FASN: variants seen among roughly 807,000 people sequenced by gnomAD.
FASN encodes fatty acid synthase.
FASN carries 50 observed loss-of-function variants against 250.0 expected under a neutral mutation model. That is an observed-to-expected ratio of 0.20 (90% CI 0.16 to 0.25). The LOEUF (loss-of-function observed/expected upper bound fraction) is 0.25. Among genes scored for constraint, FASN ranks in the 10% least tolerant of loss-of-function variants. The pLI is 1.00. For synonymous variants in FASN, 1,909 were observed against 1,584.0 expected, an observed-to-expected ratio of 1.21 and a Z score of -4.87; for missense variants, 3,031 against 3,498.5, an observed-to-expected ratio of 0.87 and a Z score of 3.37.
rs377397895 is a variant in FASN, at chr17:82,089,232, C to A, written c.2100+18G>T. ...GTCCCCTGGCCCGCCCCGCACCCCC[C>A]AGGCCGTATTAGTCCACCTTCTTGA... On this transcript the variant is annotated intron_variant, in intron 13 of 42. Coordinates refer to ENST00000306749, the MANE Select transcript of FASN (RefSeq NM_004104.5). The A allele has an allele frequency of 8.7e-6, 14 of 1,611,798 alleles. No homozygotes were observed. The highest frequency in any genetic ancestry group is 1.2e-5 in the Non-Finnish European group (14 of 1,179,594).
Position 82,093,655 on chromosome 17 carries a change from C to T in FASN, c.397G>A (p.Val133Met). The change falls in exon 4 of 43, where the codon GTG becomes ATG. Residue 133 changes from valine to methionine, a missense_variant. Coordinates refer to ENST00000306749, the MANE Select transcript of FASN (RefSeq NM_004104.5). ...GCCATCATCGCTCGCTGGCAGCCCACCATGCTGTAGCCCACGAGTGTCTCG... is the reference window on the plus strand; with the variant it reads ...GCCATCATCGCTCGCTGGCAGCCCATCATGCTGTAGCCCACGAGTGTCTCG... Reference protein sequence around the residue: ...DPETLVGYSMVGCQRAMMANR... With the variant: ...DPETLVGYSMMGCQRAMMANR... The T allele has an allele frequency of 1.2e-6, 2 of 1,612,790 alleles. No individual in the cohort carries two copies. Among genetic ancestry groups the T allele is most frequent in the Non-Finnish European group, 1.7e-6 (2 of 1,179,992 alleles).
Position 82,092,685 on chromosome 17 carries a change from G to A in FASN, c.894+12C>T, listed in dbSNP as rs17848924. The A allele has an allele frequency of 5.4e-6, 7 of 1,287,882 alleles. No homozygotes were observed. Among genetic ancestry groups the A allele is most frequent in the South Asian group, 1.2e-5 (1 of 81,306 alleles). The allele number at this position is 1,287,882 out of a possible 1,614,324, so 79.8% of individuals were successfully genotyped here. A position where few individuals can be genotyped will look rare whatever the true frequency, so the allele number is the denominator to read the frequency against. On this transcript the variant is annotated intron_variant, in intron 7 of 42. Transcript: ENST00000306749. ...ATGGGGTGGTGAGTGGGGCGGGGGG[G>A]GGGGGCATCACCTTGGTGCCTGTGC...
intron 2 of FASN, 68 bp downstream of exon 2, chr17:82,096,251 C>G: frequency 6.2e-7 from 1 of 1,601,966 alleles, no homozygotes; most frequent in South Asian, 1.1e-5. Flanking sequence ...AGCAGGGAGG[C>G]TGCTGTGAGG....
chr17:82,095,530 T>C (rs1411950526), intron 2 of FASN, 58 bp from the exon 3 acceptor site: 2 of 1,596,028 alleles, frequency 1.3e-6, no homozygotes, highest in Non-Finnish European at 1.7e-6. Context: ...GTGGGGGCCC[T>C]GTGGGGTGCT....
rs553260482 is a variant in FASN, at chr17:82,084,656, G to A, written c.4625C>T (p.Ser1542Phe). Residue 1542 changes from serine (S) to phenylalanine (F), a missense_variant, in exon 27 of 43, where the codon TCC (serine) becomes TTC (phenylalanine). Coordinates refer to ENST00000306749, the MANE Select transcript of FASN (RefSeq NM_004104.5). ...CGAGGAGCAGACCCAGCGGATGGAG[G>A]ACAGGTCCCCCCGGGTGAGGGTGCT... ...FVSTLTRGDLSSIRWVCSSLR... is the reference protein window; with the variant it reads ...FVSTLTRGDLFSIRWVCSSLR... The A allele has an allele frequency of 1.3e-6, 2 of 1,594,544 alleles. No individual in the cohort carries two copies. Among genetic ancestry groups the A allele is most frequent in the Non-Finnish European group, 1.7e-6 (2 of 1,171,412 alleles).
chr17:82,089,680 C>T lies in FASN; in HGVS notation c.1917G>A (p.Val639=), dbSNP rs551118193. Reference sequence around the variant, plus strand: ...TGTCCTTGGAGTTGTGGCAGGCGGGCACCACGCCCGGGGGGCAGCGCTGTT... The same window carrying T: ...TGTCCTTGGAGTTGTGGCAGGCGGGTACCACGCCCGGGGGGCAGCGCTGTT... ...ECKQRCPPGV[V]PACHNSKDTV... is the part of the protein sequence containing the mutation. Residue 639 remains valine (V), a synonymous_variant, in exon 12 of 43, where the codon GTG becomes GTA. Transcript: ENST00000306749. The T allele has an allele frequency of 1.3e-6, 2 of 1,581,454 alleles. No individual in the cohort carries two copies. Among genetic ancestry groups the T allele is most frequent in the Non-Finnish European group, 1.7e-6 (2 of 1,166,772 alleles).
At chr17:82,094,375 G>A (rs1166915605) in intron 3 of FASN, among the ~76,000 whole-genome samples, 1 of 151,920 alleles carries the variant, frequency 6.6e-6, no homozygotes, top group Admixed American at 6.6e-5. Context: ...CCTCGCCCCT[G>A]GTGGGCTGGC....
At chr17:82,096,572 G>C (rs1226194006) in intron 1 of FASN, 120 bp from the exon 2 acceptor site, 24 of 1,473,002 alleles carry the variant, frequency 1.6e-5, no homozygotes, top group Non-Finnish European at 2.2e-5. Context: ...GGGTCCGTGC[G>C]GGCCCTGGCT....
At chr17:82,090,655 C>A in intron 10 of FASN, 91 bp from the exon 11 acceptor site, 1 of 1,249,432 alleles carries the variant, frequency 8.0e-7, no homozygotes, top group Non-Finnish European at 1.1e-6. Context: ...TCTCCACCCC[C>A]GCGCCCCATC....
chr17:82,087,191 C>T lies in FASN; in HGVS notation c.3286G>A (p.Gly1096Arg), dbSNP rs62642478. The T allele has an allele frequency of 1.9e-5, 31 of 1,607,608 alleles. No individual in the cohort carries two copies. Among genetic ancestry groups the T allele is most frequent in the Middle Eastern group, 1.7e-4 (1 of 5,954 alleles). ...VTVAGGVHIS[G>R]LHTESAPRRQ... Reference sequence around the variant, plus strand: ...CGCGGGGCCGACTCAGTGTGGAGCCCGGAGATGTGGACGCCTCCGGCCACT... The same window carrying T: ...CGCGGGGCCGACTCAGTGTGGAGCCTGGAGATGTGGACGCCTCCGGCCACT... Residue 1096 changes from glycine to arginine, a missense_variant, in exon 21 of 43, where the codon GGG becomes AGG. By Grantham distance (125) the Gly-to-Arg change is moderately radical (BLOSUM62 -2). Coordinates refer to ENST00000306749, the MANE Select transcript of FASN (RefSeq NM_004104.5).
intron 41 of FASN, 163 bp from the exon 42 acceptor site, chr17:82,079,771 G>C: frequency 1.0e-6 from 1 of 993,380 alleles, no homozygotes; most frequent in Non-Finnish European, 1.4e-6. Flanking sequence ...CCACCTACCC[G>C]GTTCAAGCGA....
In FASN at chr17:82,083,842, G is replaced by A. The variant is rs1299978737; in HGVS notation, c.5148C>T (p.Asp1716=). The A allele has an allele frequency of 3.1e-6, 5 of 1,599,054 alleles. No homozygotes were observed. The highest frequency in any genetic ancestry group is 4.3e-6 in the Non-Finnish European group (5 of 1,173,944). The stretch of plus-strand genomic sequence containing the variant: ...CCCGGGAGTTGGCGAAGCTGGTGCT[G>A]TCGAGCTGGGGGAACCTGGCCTGGA... ...AYLQARFPQL[D]STSFANSRDT... The change falls in exon 30 of 43, where the codon GAC becomes GAT. Residue 1716 remains aspartate (D), a synonymous_variant. Transcript: ENST00000306749.
intron 1 of FASN, 78 bp from the exon 2 acceptor site, chr17:82,096,530 G>A (rs1270845969): frequency 6.3e-7 from 1 of 1,593,972 alleles, no homozygotes; most frequent in Non-Finnish European, 8.5e-7. Flanking sequence ...CCCAGAACAG[G>A]TGGACACCCA....
chr17:82,087,317 G>A lies in FASN; in HGVS notation c.3223+8C>T, dbSNP rs774538970. 63 of 1,608,852 alleles carry A rather than the reference G, an allele frequency of 3.9e-5. No homozygotes were observed. Among genetic ancestry groups the A allele is most frequent in the East Asian group, 1.8e-4 (8 of 44,830 alleles). On this transcript the variant is annotated splice_region_variant and intron_variant, in intron 20 of 42. Coordinates refer to ENST00000306749, the MANE Select transcript of FASN (RefSeq NM_004104.5). ...GGGGGCACTGGGCTGGGGCTGGGGC[G>A]GGGCTACCTTGGGCCTTGTCCTGCA...
chr17:82,081,439 G>T, intron 37 of FASN, 87 bp from the exon 38 acceptor site: 1 of 1,567,072 alleles, frequency 6.4e-7, no homozygotes, highest in South Asian at 1.1e-5. Flanking sequence ...GGGTGCGTGG[G>T]CTGTGCATCT....
Position 82,087,718 on chromosome 17 carries a change from G to A in FASN, c.3010C>T (p.His1004Tyr), listed in dbSNP as rs1598578935. Residue 1004 changes from histidine to tyrosine, a missense_variant, in exon 19 of 43, where the codon CAT (histidine) becomes TAT (tyrosine). His to Tyr is a moderately conservative substitution (Grantham distance 83). Coordinates refer to ENST00000306749, the MANE Select transcript of FASN (RefSeq NM_004104.5). Reference sequence around the variant, plus strand: ...CTGGCCTCCAGGATGCCCTGGAAATGAGGGCCGTAGTCGTAGCCACGCAGA... The same window carrying A: ...CTGGCCTCCAGGATGCCCTGGAAATAAGGGCCGTAGTCGTAGCCACGCAGA... ...LRLRGYDYGP[H>Y]FQGILEASLE... The A allele has an allele frequency of 4.3e-6, 7 of 1,612,266 alleles. No homozygotes were observed. The highest frequency in any genetic ancestry group is 4.2e-6 in the Non-Finnish European group (5 of 1,180,012).
intron 2 of FASN, 26 bp downstream of exon 2, chr17:82,096,293 G>A: frequency 6.2e-7 from 1 of 1,610,434 alleles, no homozygotes; most frequent in African/African-American, 1.3e-5. Context: ...CACACCCCAG[G>A]CACGGGGAGC....
rs2034012447 is a variant in FASN, at chr17:82,082,691, G to C, written c.5768-13C>G. 2.5e-6 allele frequency: 4 copies of C among 1,606,828 alleles called. No individual in the cohort carries two copies. Among genetic ancestry groups the C allele is most frequent in the Middle Eastern group, 1.7e-4 (1 of 5,802 alleles). Reference sequence around the variant, plus strand: ...TTGGCCTGGTAGCCTGCGGGACACAGGACTGTGGGCTGGACTGGGCCAGGG... The same window carrying C: ...TTGGCCTGGTAGCCTGCGGGACACACGACTGTGGGCTGGACTGGGCCAGGG... On this transcript the variant is annotated splice_polypyrimidine_tract_variant and intron_variant, in intron 33 of 42. Coordinates refer to ENST00000306749, the MANE Select transcript of FASN (RefSeq NM_004104.5).
At chr17:82,094,923 T>C (rs535563307) in intron 3 of FASN, among the ~76,000 whole-genome samples, 2 of 42,246 alleles carry the variant, frequency 4.7e-5, no homozygotes, top group African/African-American at 1.9e-4. Flanking sequence ...TGGGCAAGGG[T>C]AGTGGGGAGG....
Sources: gnomAD v4.1 joint callset for allele counts (sites outside exome capture counted in the v4.1 genomes callset) on GRCh38, gnomAD v4.1.1 for gene constraint, MANE v1.5 for transcripts, NCBI Gene and HGNC (gene_info 2026-07-23, HGNC 2026-07-21) for gene names.